TRIM37: variants seen among roughly 807,000 people sequenced by gnomAD.
The protein encoded by TRIM37 is E3 ubiquitin-protein ligase TRIM37.
In TRIM37, 80 loss-of-function variants were observed where a neutral mutation model predicts 129.8. That is an observed-to-expected ratio of 0.62 (90% CI 0.51 to 0.74). The LOEUF (loss-of-function observed/expected upper bound fraction) is 0.74, where lower values mean the gene tolerates loss of function less well. Ranked by LOEUF, TRIM37 falls within the 30% of genes least tolerant of loss-of-function variation. TRIM37 has a pLI of 0.00. For synonymous variants in TRIM37, 389 were observed against 387.1 expected (o/e 1.00, Z -0.06); for missense variants, 1,054 against 1,176.5 (o/e 0.90, Z 1.52).
intron 17 of TRIM37, among the ~76,000 whole-genome samples, chr17:59,037,557 CAAAAAAAAAAAAAAAAA>C (rs58856834): frequency 1.5e-4 from 11 of 74,034 alleles, no homozygotes; most frequent in African/African-American, 3.5e-4. Flanking sequence ...GACTCTGTCT[CAAAAAAAAAAAAAAAAA>C]AAAAAAAAAA....
At chr17:59,102,603 A>G (rs934906257) in intron 2 of TRIM37, among the ~76,000 whole-genome samples, 2 of 152,220 alleles carry the variant, frequency 1.3e-5, no homozygotes, top group Non-Finnish European at 2.9e-5. Flanking sequence ...CTGTAAAGCA[A>G]ATCATATCTG....
chr17:59,026,881 ATTAT>A (rs1262490481), intron 19 of TRIM37, among the ~76,000 whole-genome samples: 1 of 152,192 alleles, frequency 6.6e-6, no homozygotes, highest in Non-Finnish European at 1.5e-5. Context: ...CTTGAGATGC[ATTAT>A]TTTTGATTTT....
intron 24 of TRIM37, among the ~76,000 whole-genome samples, chr17:58,990,464 C>T (rs2032265628): frequency 6.6e-6 from 1 of 151,398 alleles, no homozygotes; most frequent in Admixed American, 6.6e-5. Flanking sequence ...GCACTCCAGC[C>T]CAGGTGACAG....
intron 2 of TRIM37, among the ~76,000 whole-genome samples, chr17:59,091,766 G>C (rs761678740): frequency 1.1e-4 from 17 of 150,044 alleles, no homozygotes; most frequent in Non-Finnish European, 2.4e-4. Context: ...ATCCTCATAG[G>C]GATAAACTTT....
At chr17:59,102,379 C>T (rs932313599) in intron 2 of TRIM37, among the ~76,000 whole-genome samples, 4 of 152,148 alleles carry the variant, frequency 2.6e-5, no homozygotes, top group Non-Finnish European at 5.9e-5. Context: ...AGAAATGCGC[C>T]CAGATCCAGA....
intron 24 of TRIM37, among the ~76,000 whole-genome samples, chr17:58,992,260 T>A (rs12947841): frequency 5.5e-5 from 6 of 109,672 alleles, no homozygotes; most frequent in African/African-American, 1.9e-4. Flanking sequence ...TATATATATA[T>A]AAATATAAAT....
chr17:58,972,288 TG>T, the TRIM37 span: 1 of 1,612,750 alleles, frequency 6.2e-7, no homozygotes, highest in Non-Finnish European at 8.5e-7. Context: ...AAGTATGGTC[TG>T]TTTTAATAGA....
intron 21 of TRIM37, 129 bp from the exon 22 acceptor site, chr17:59,012,575 A>C (rs1187293695): frequency 5.8e-6 from 4 of 689,638 alleles, no homozygotes; most frequent in Non-Finnish European, 1.0e-5. Flanking sequence ...TTCAAATTTT[A>C]TCTGAAAATA....
intron 24 of TRIM37, among the ~76,000 whole-genome samples, chr17:58,987,310 G>A (rs114134723): frequency 0.011 from 1,622 of 152,290 alleles, 34 homozygotes; most frequent in African/African-American, 0.037. Context: ...AAGCCAAATC[G>A]AGTTGCTACG....
At position 59,101,745 on chromosome 17, in the gene TRIM37, T is replaced by TATATAC. The variant is rs774886296; in HGVS notation, c.123+2542_123+2547dup. ...ACATATATACATATACATGTTTATA[T>TATATAC]ATATACATATATACACACACATATA... is the stretch of plus-strand genomic sequence containing the variant. On this transcript the variant is annotated intron_variant, in intron 2 of 23. Coordinates refer to ENST00000262294, the MANE Select transcript of TRIM37 (RefSeq NM_015294.6). 8.1e-5 allele frequency among the ~76,000 whole-genome samples: 12 copies of TATATAC among 147,310 alleles called. No individual in the cohort carries two copies. In the South Asian group the frequency reaches 1.3e-3, roughly 16 times the overall value.
intron 2 of TRIM37, among the ~76,000 whole-genome samples, 176 bp from the exon 3 acceptor site, chr17:59,091,516 T>C (rs1599510576): frequency 1.5e-5 from 2 of 129,500 alleles, no homozygotes; most frequent in Admixed American, 1.9e-4. Context: ...ATATCATATA[T>C]ATATAATGTA....
At chr17:59,094,097 G>A (rs369420277) in intron 2 of TRIM37, among the ~76,000 whole-genome samples, 10 of 152,156 alleles carry the variant, frequency 6.6e-5, no homozygotes, top group African/African-American at 2.2e-4. Context: ...GTTTTCCCAC[G>A]TTGGCCAGGC....
chr17:58,998,164 G>C (rs994115654), downstream of TRIM37: 2 of 957,392 alleles, frequency 2.1e-6, no homozygotes, highest in African/African-American at 3.5e-5. Flanking sequence ...AGAAAAGAAG[G>C]GGTTTCTGGT....
At chr17:59,058,312 T>C (rs796765669) in intron 12 of TRIM37, among the ~76,000 whole-genome samples, 7 of 152,320 alleles carry the variant, frequency 4.6e-5, no homozygotes, top group African/African-American at 1.4e-4. Context: ...TTCTCACTTA[T>C]ATTGTGGGAG....
chr17:59,078,074 G>A (rs1177099747), intron 7 of TRIM37, among the ~76,000 whole-genome samples: 1 of 148,328 alleles, frequency 6.7e-6, no homozygotes, highest in Non-Finnish European at 1.5e-5. Context: ...GCAATGAGCC[G>A]AGATAGTGCC....
chr17:58,989,478 A>T (rs915894965), intron 24 of TRIM37, among the ~76,000 whole-genome samples: 1 of 152,156 alleles, frequency 6.6e-6, no homozygotes, highest in Non-Finnish European at 1.5e-5. Context: ...GTCAAGAAAA[A>T]TGGTGGATAC....
intron 16 of TRIM37, among the ~76,000 whole-genome samples, chr17:59,042,155 T>A (rs1453073512): frequency 6.6e-6 from 1 of 151,334 alleles, no homozygotes; most frequent in Admixed American, 6.6e-5. Context: ...GGCAGGCGGA[T>A]CACGAGGTCA....
In TRIM37 at chr17:59,084,084, T is replaced by C; in HGVS notation, c.287A>G (p.Glu96Gly). ...TACACTAAGTTTTTCATGGTGATTT[T>C]CACATCTATACATTATGAAAAGAAA... The part of the protein sequence containing the change: ...KHEENEKDKC[E>G]NHHEKLSVFC... The change falls in exon 5 of 24, where the codon GAA becomes GGA. Residue 96 changes from glutamate to glycine, a missense_variant. Physicochemically the swap from Glu to Gly is moderately conservative, Grantham distance 98. This residue lies in a region of TRIM37 where 752 missense variants were observed against 870.8 expected (regional missense o/e 0.86). Coordinates refer to ENST00000262294, the MANE Select transcript of TRIM37 (RefSeq NM_015294.6). The C allele has an allele frequency of 6.2e-7, 1 of 1,609,968 alleles. No homozygotes were observed. The highest frequency in any genetic ancestry group is 1.1e-5 in the South Asian group (1 of 91,008).
downstream of TRIM37, among the ~76,000 whole-genome samples, chr17:58,978,543 TCTAATAAAAATATAAAAATTAGCCA>T (rs1311145361): frequency 6.6e-6 from 1 of 152,028 alleles, no homozygotes; most frequent in Non-Finnish European, 1.5e-5. Flanking sequence ...AAACCCCGTC[TCTAATAAAAATATAAAAATTAGCCA>T]GGTGTGGTGG....
Sources: allele counts gnomAD v4.1 joint callset (sites outside exome capture counted in the v4.1 genomes callset), GRCh38; gene constraint gnomAD v4.1.1; regional missense constraint gnomAD v4.1.1; transcripts MANE v1.5; gene names NCBI Gene and HGNC (gene_info 2026-07-23, HGNC 2026-07-21).